Variants in SLC6A9 observed in about 807,000 individuals in gnomAD.
The protein encoded by SLC6A9 is solute carrier family 6 member 9.
In SLC6A9, 31 loss-of-function variants were observed where a neutral mutation model predicts 70.9. The observed-to-expected ratio is 0.44, with a 90% CI of 0.33 to 0.59. The LOEUF (loss-of-function observed/expected upper bound fraction) is 0.59. Among genes scored for constraint, SLC6A9 ranks in the 20% least tolerant of loss-of-function variants. The pLI is 0.04. For synonymous variants in SLC6A9, 310 were observed against 341.3 expected, an observed-to-expected ratio of 0.91 and a Z score of 1.01; for missense variants, 631 against 845.2, an observed-to-expected ratio of 0.75 and a Z score of 3.14.
chr1:44,002,218 A>C lies in SLC6A9; in HGVS notation c.962+95T>G. The C allele has an allele frequency of 1.2e-6, 1 of 823,142 alleles. No individual in the cohort carries two copies. Among genetic ancestry groups the C allele is most frequent in the East Asian group, 2.5e-5 (1 of 40,166 alleles). 51.0% of individuals were successfully genotyped at this position (823,142 alleles called of 1,614,324 possible). A position where few individuals can be genotyped will look rare whatever the true frequency, so the allele number is the denominator to read the frequency against. ...CAGAACCTCAAGATCATGAGGGGAAAGGAGGCCTCGTGGGCCCATGGCTGC... is the reference window on the plus strand; with the variant it reads ...CAGAACCTCAAGATCATGAGGGGAACGGAGGCCTCGTGGGCCCATGGCTGC... On this transcript the variant is annotated intron_variant, in intron 8 of 13. Transcript: ENST00000372310. This position sits in a 1 kb window ranked among gnomAD's most constrained non-coding sequence, Gnocchi z 5.5.
intron 2 of SLC6A9, among the ~76,000 whole-genome samples, chr1:44,022,170 A>C (rs1333084807): frequency 6.6e-6 from 1 of 152,230 alleles, no homozygotes; most frequent in Non-Finnish European, 1.5e-5. Context: ...CAGTCCGGGA[A>C]GCTCAGCTCA....
rs200607789 is a variant in SLC6A9, at chr1:44,024,336, C to T, written c.-59G>A. ...CCACACTCACAGGCTCTGCTTCCAG[C>T]GCCTTTCAGGCCACAGATCTCAAGA... On this transcript the variant is annotated 5_prime_UTR_variant, in exon 2 of 14. Coordinates refer to ENST00000372310, the MANE Select transcript of SLC6A9 (RefSeq NM_001024845.3). 33 of 1,597,172 alleles carry T rather than the reference C, an allele frequency of 2.1e-5. No individual in the cohort carries two copies. Among genetic ancestry groups the T allele is most frequent in the African/African-American group, 6.7e-5 (5 of 74,616 alleles).
At chr1:44,015,522 A>G (rs1042634514) in intron 2 of SLC6A9, among the ~76,000 whole-genome samples, 1 of 152,258 alleles carries the variant, frequency 6.6e-6, no homozygotes, top group African/African-American at 2.4e-5. Flanking sequence ...AAGACCTCAC[A>G]TCCCAGACTG....
At chr1:44,029,299 G>A (rs990288091) in intron 1 of SLC6A9, among the ~76,000 whole-genome samples, 1 of 152,206 alleles carries the variant, frequency 6.6e-6, no homozygotes, top group Non-Finnish European at 1.5e-5. Flanking sequence ...AGTAGACAGA[G>A]GAAGAAGCAT....
At chr1:44,003,182 C>T (rs1053042215) in intron 5 of SLC6A9, among the ~76,000 whole-genome samples, 197 bp from the exon 6 acceptor site, 2 of 152,226 alleles carry the variant, frequency 1.3e-5, no homozygotes, top group African/African-American at 4.8e-5. Flanking sequence ...CCTGGGGAGC[C>T]CAACACAGTC....
rs2085923087 is a variant in SLC6A9 at position 43,997,709 on chromosome 1, C to G, written c.1738G>C (p.Asp580His). 2 of 1,608,972 alleles carry G rather than the reference C, an allele frequency of 1.2e-6. No homozygotes were observed. Among genetic ancestry groups the G allele is most frequent in the Admixed American group, 1.7e-5 (1 of 58,222 alleles). ...RLKNATKPSRDWGPALLEHRT... is the reference protein window; with the variant it reads ...RLKNATKPSRHWGPALLEHRT... ...TGCTCCAGGAGGGCAGGGCCCCAGT[C>G]TCTGCTTGGCTTTGTGGCATTTTTC... Residue 580 changes from aspartate to histidine, a missense_variant, in exon 14 of 14, where the codon GAC becomes CAC. By Grantham distance (81) the Asp-to-His change is moderately conservative. Transcript: ENST00000372310. The surrounding 1 kb of genome is among the most constrained non-coding windows in gnomAD (Gnocchi z 4.4).
At chr1:44,025,281 A>C (rs2086961126) in intron 1 of SLC6A9, among the ~76,000 whole-genome samples, 1 of 151,708 alleles carries the variant, frequency 6.6e-6, no homozygotes, top group Non-Finnish European at 1.5e-5. Flanking sequence ...TGTGGGAAGC[A>C]TGAGTGGCAA....
intron 1 of SLC6A9, among the ~76,000 whole-genome samples, chr1:44,025,051 C>T (rs7554322): frequency 0.1 from 15,707 of 152,210 alleles, 1,008 homozygotes; most frequent in South Asian, 0.19. Context: ...CAAATCTCTA[C>T]GAGTACTCTT....
chr1:44,030,929 C>G (rs1419735502), intron 1 of SLC6A9, among the ~76,000 whole-genome samples: 1 of 152,140 alleles, frequency 6.6e-6, no homozygotes, highest in Non-Finnish European at 1.5e-5. Flanking sequence ...GTGCCACGCT[C>G]TGGCTCCGGC....
At chr1:43,998,342 A>T (rs1319571730) in intron 12 of SLC6A9, among the ~76,000 whole-genome samples, 1 of 152,166 alleles carries the variant, frequency 6.6e-6, no homozygotes, top group Non-Finnish European at 1.5e-5. Flanking sequence ...TGGCTAACTG[A>T]AGTAAGGCCA....
At position 44,018,876 on chromosome 1, in the gene SLC6A9, G is replaced by C. The variant is rs2086828660; in HGVS notation, c.30+5372C>G. ...GCCCAGACGTTGGAAGTTGTAGTGAGCTATGATCACACCACTGCACTCCAA... is the reference window on the plus strand; with the variant it reads ...GCCCAGACGTTGGAAGTTGTAGTGACCTATGATCACACCACTGCACTCCAA... On this transcript the variant is annotated intron_variant, in intron 2 of 13. Coordinates refer to ENST00000372310, the MANE Select transcript of SLC6A9 (RefSeq NM_001024845.3). This position sits in a 1 kb window ranked among gnomAD's most constrained non-coding sequence, Gnocchi z 4.2. Among the ~76,000 whole-genome samples the C allele has an allele frequency of 6.6e-6, 1 of 152,100 alleles. No individual in the cohort carries two copies. The highest frequency in any genetic ancestry group is 2.1e-4 in the South Asian group (1 of 4,824).
chr1:44,011,439 G>T, intron 2 of SLC6A9: 1 of 825,506 alleles, frequency 1.2e-6, no homozygotes. Context: ...CAGGGCTGGG[G>T]GGAAATGGGG....
intron 2 of SLC6A9, among the ~76,000 whole-genome samples, chr1:44,016,848 C>T (rs2086762267): frequency 6.6e-6 from 1 of 152,184 alleles, no homozygotes; most frequent in African/African-American, 2.4e-5. Flanking sequence ...CCCTCACCCC[C>T]ACCACACAGC....
chr1:44,025,255 G>A (rs895481453), intron 1 of SLC6A9, among the ~76,000 whole-genome samples: 2 of 141,436 alleles, frequency 1.4e-5, no homozygotes, highest in Admixed American at 1.4e-4. Flanking sequence ...GAGGGGTCCA[G>A]GCCAGCCCAG....
In SLC6A9 at chr1:44,013,919, T is replaced by C. The variant is rs1218910936; in HGVS notation, c.31-3037A>G. Among the ~76,000 whole-genome samples, 1 of 152,204 alleles carries C rather than the reference T, an allele frequency of 6.6e-6. No individual in the cohort carries two copies. Among genetic ancestry groups the C allele is most frequent in the African/African-American group, 2.4e-5 (1 of 41,466 alleles). ...TTCTCCCTCCTTGCATAATCTTTCC[T>C]ATTCTAAGCCTCTAGTTTTTCTTGA... On this transcript the variant is annotated intron_variant, in intron 2 of 13. Transcript: ENST00000372310. This position sits in a 1 kb window ranked among gnomAD's most constrained non-coding sequence, Gnocchi z 5.3.
chr1:44,001,978 C>T (rs968921515), intron 8 of SLC6A9, among the ~76,000 whole-genome samples: 1 of 152,168 alleles, frequency 6.6e-6, no homozygotes, highest in African/African-American at 2.4e-5. Context: ...TCAAGTGATC[C>T]TCCCGCCTTG....
chr1:44,031,166 TCACA>T (rs66939562), intron 1 of SLC6A9, 136 bp downstream of exon 1: 1,561 of 148,250 alleles, frequency 0.011, 14 homozygotes, highest in Middle Eastern at 0.031. Flanking sequence ...ACATGCGCGA[TCACA>T]CACACACACA....
chr1:44,010,948 C>T lies in SLC6A9; in HGVS notation c.31-66G>A, dbSNP rs2086544077. On this transcript the variant is annotated intron_variant, in intron 2 of 13. Coordinates refer to ENST00000372310, the MANE Select transcript of SLC6A9 (RefSeq NM_001024845.3). ...GTGCTCCATGCCTGACCCTCTGGGC[C>T]TCCCCCAGCAGGGAAACCGTGGCCC... 5 of 1,556,532 alleles carry T rather than the reference C, an allele frequency of 3.2e-6. No individual in the cohort carries two copies. In the Admixed American group the frequency reaches 5.2e-5, roughly 16 times the overall value.
intron 4 of SLC6A9, 32 bp downstream of exon 4, chr1:44,009,933 A>G (rs994310244): frequency 3.1e-6 from 5 of 1,609,646 alleles, no homozygotes; most frequent in Non-Finnish European, 4.2e-6. Flanking sequence ...GTGTTTGTGT[A>G]TGTGTGAGCG....
Sources: gnomAD v4.1 joint callset for allele counts (sites outside exome capture counted in the v4.1 genomes callset) on GRCh38, gnomAD v4.1.1 for gene constraint, Gnocchi (gnomAD v3.1) non-coding constraint, MANE v1.5 for transcripts, NCBI Gene and HGNC (gene_info 2026-07-23, HGNC 2026-07-21) for gene names.